MAST4: variants seen among roughly 807,000 people sequenced by gnomAD.
The protein encoded by MAST4 is microtubule-associated serine/threonine-protein kinase 4.
In MAST4, 89 loss-of-function variants were observed where a neutral mutation model predicts 162.7. The observed-to-expected ratio is 0.55, with a 90% confidence interval of 0.46 to 0.65. The LOEUF is 0.65. Among genes scored for constraint, MAST4 ranks in the 30% least tolerant of loss-of-function variants. The pLI is 0.00. For missense variants in MAST4, 3,153 were observed against 3,374.0 expected, an observed-to-expected ratio of 0.93 and a Z score of 1.62; for synonymous variants, 1,479 against 1,361.1, an observed-to-expected ratio of 1.09 and a Z score of -1.91.
At position 67,163,669 on chromosome 5, in the gene MAST4, C is replaced by T; in HGVS notation, c.4490C>T (p.Pro1497Leu). The T allele has an allele frequency of 6.2e-7, 1 of 1,608,456 alleles. No individual in the cohort carries two copies. Among genetic ancestry groups the T allele is most frequent in the East Asian group, 2.2e-5 (1 of 44,652 alleles). The change falls in exon 29 of 29, where the codon CCG becomes CTG. Residue 1497 changes from proline to leucine, a missense_variant. By Grantham distance (98) the Pro-to-Leu change is moderately conservative. This residue lies in a region of MAST4 where 1,644 missense variants were observed against 1,495.0 expected (regional missense o/e 1.10). Coordinates refer to ENST00000403625, the MANE Select transcript of MAST4 (RefSeq NM_001164664.2). The surrounding 1 kb of genome is among the most constrained non-coding windows in gnomAD (Gnocchi z 7.0). ...QSLDENVCDV[P>L]PLSRARPVEQ... ...CTGGATGAGAACGTGTGCGACGTGC[C>T]GCCGCTCAGCCGCGCCCGGCCAGTG...
chr5:66,652,064 G>A (rs1746259489), intron 1 of MAST4, among the ~76,000 whole-genome samples: 1 of 152,176 alleles, frequency 6.6e-6, no homozygotes, highest in South Asian at 2.1e-4. Flanking sequence ...TCAATCTGAG[G>A]AGGTGGTGAT....
At chr5:66,832,094 A>G (rs1242826228) in intron 3 of MAST4, among the ~76,000 whole-genome samples, 1 of 152,138 alleles carries the variant, frequency 6.6e-6, no homozygotes, top group Non-Finnish European at 1.5e-5. Context: ...TAAGGCAGGC[A>G]TGACTTACTA....
At chr5:66,610,693 A>T (rs1277633217) in intron 1 of MAST4, among the ~76,000 whole-genome samples, 2 of 152,124 alleles carry the variant, frequency 1.3e-5, no homozygotes, top group Non-Finnish European at 2.9e-5. Flanking sequence ...TGCACAGGTA[A>T]TTCTCAGCAT....
chr5:66,651,542 CTTAA>C (rs1369389023), intron 1 of MAST4, among the ~76,000 whole-genome samples: 3 of 151,940 alleles, frequency 2.0e-5, no homozygotes, highest in Non-Finnish European at 4.4e-5. Flanking sequence ...CCATTGGCAA[CTTAA>C]TTAGATAAAT....
intron 3 of MAST4, among the ~76,000 whole-genome samples, chr5:66,837,954 T>A (rs1397731647): frequency 1.4e-5 from 2 of 146,878 alleles, no homozygotes; most frequent in Non-Finnish European, 3.0e-5. Context: ...ATACTCACCA[T>A]ATTTGTTTGT....
chr5:67,157,811 A>G (rs1245763838), intron 26 of MAST4, among the ~76,000 whole-genome samples: 1 of 152,250 alleles, frequency 6.6e-6, no homozygotes, highest in Non-Finnish European at 1.5e-5. Flanking sequence ...AGGAAGGATA[A>G]CAAACTCTTC....
At chr5:66,646,456 A>G (rs1160660755) in intron 1 of MAST4, among the ~76,000 whole-genome samples, 2 of 152,150 alleles carry the variant, frequency 1.3e-5, no homozygotes, top group South Asian at 2.1e-4. Flanking sequence ...TTCAATTGCT[A>G]GGCTTAAAAA....
chr5:66,867,726 G>A (rs1370915953), intron 3 of MAST4, among the ~76,000 whole-genome samples: 1 of 152,220 alleles, frequency 6.6e-6, no homozygotes, highest in Non-Finnish European at 1.5e-5. Context: ...TAATGGTGAG[G>A]AATCCACCTC....
At chr5:66,747,082 T>C (rs1752804850) in intron 1 of MAST4, among the ~76,000 whole-genome samples, 1 of 149,238 alleles carries the variant, frequency 6.7e-6, no homozygotes, top group African/African-American at 2.5e-5. Context: ...TGGTGGTGGA[T>C]GTGTGCATGC....
intron 1 of MAST4, among the ~76,000 whole-genome samples, chr5:66,627,889 A>G (rs1744541481): frequency 6.6e-6 from 1 of 152,200 alleles, no homozygotes; most frequent in African/African-American, 2.4e-5. Flanking sequence ...GAACAGATTA[A>G]GTACCTTTCA....
chr5:66,723,958 C>G (rs1751365854), intron 1 of MAST4, among the ~76,000 whole-genome samples: 1 of 152,068 alleles, frequency 6.6e-6, no homozygotes, highest in African/African-American at 2.4e-5. Flanking sequence ...CACTATACCC[C>G]CACCCCTCTT....
At chr5:66,854,920 C>T (rs759664919) in intron 3 of MAST4, among the ~76,000 whole-genome samples, 21 of 152,210 alleles carry the variant, frequency 1.4e-4, no homozygotes, top group Non-Finnish European at 2.9e-4. Context: ...CTTGACATTA[C>T]CCATTGTCAC....
intron 4 of MAST4, among the ~76,000 whole-genome samples, chr5:66,957,041 AG>A (rs1745399076): frequency 6.6e-6 from 1 of 152,130 alleles, no homozygotes; most frequent in African/African-American, 2.4e-5. Context: ...AATTAGGGGT[AG>A]TAAAAGGAAA....
At chr5:66,895,479 C>G (rs1762625753) in intron 3 of MAST4, among the ~76,000 whole-genome samples, 1 of 152,106 alleles carries the variant, frequency 6.6e-6, no homozygotes, top group Non-Finnish European at 1.5e-5. Flanking sequence ...ACTTGGAATT[C>G]TTACAGACAG....
At chr5:67,018,762 T>C (rs1392315686) in intron 4 of MAST4, among the ~76,000 whole-genome samples, 1 of 152,154 alleles carries the variant, frequency 6.6e-6, no homozygotes, top group South Asian at 2.1e-4. Context: ...TGGAAGAAAA[T>C]ATGTATTTTA....
intron 1 of MAST4, among the ~76,000 whole-genome samples, chr5:66,635,826 A>AT (rs1167107882): frequency 5.9e-5 from 9 of 151,456 alleles, no homozygotes; most frequent in African/African-American, 1.9e-4. Flanking sequence ...CTGAAATTGT[A>AT]TGCAAAGTCT....
In MAST4 at chr5:66,709,214, C is replaced by A. The variant is rs186727181; in HGVS notation, c.364-50495C>A. 4.3e-4 allele frequency among the ~76,000 whole-genome samples: 66 copies of A among 152,076 alleles called. 1 individual carries two copies. Among genetic ancestry groups the A allele is most frequent in the African/African-American group, 1.5e-3 (62 of 41,480 alleles). ...CACCTAGATTTTGCTATTGCTGATA[C>A]TTTGCTTTGTTTGAAATTAAAAAAA... On this transcript the variant is annotated intron_variant, in intron 1 of 28. Transcript: ENST00000403625.
chr5:66,832,333 G>A (rs1467868945), intron 3 of MAST4, among the ~76,000 whole-genome samples: 2 of 152,024 alleles, frequency 1.3e-5, no homozygotes, highest in Admixed American at 6.6e-5. Flanking sequence ...GCAATGAAAT[G>A]TTTATTGTTT....
chr5:66,956,401 G>A (rs1317249491), intron 4 of MAST4, among the ~76,000 whole-genome samples: 1 of 152,164 alleles, frequency 6.6e-6, no homozygotes, highest in African/African-American at 2.4e-5. Context: ...GATGTCAGCA[G>A]TCACTGATGA....
Sources: allele counts gnomAD v4.1 joint callset (sites outside exome capture counted in the v4.1 genomes callset), GRCh38; gene constraint gnomAD v4.1.1; regional missense constraint gnomAD v4.1.1; non-coding constraint Gnocchi (gnomAD v3.1); transcripts MANE v1.5; gene names NCBI Gene and HGNC (gene_info 2026-07-23, HGNC 2026-07-21).